The following LUZP1 variants were observed in gnomAD, a reference collection of about 807,000 sequenced individuals.
LUZP1 encodes the protein leucine zipper protein 1.
In LUZP1, 25 loss-of-function variants were observed where a neutral mutation model predicts 71.3. The ratio of observed to expected loss-of-function variants is 0.35; its 90% CI spans 0.26 to 0.49. The LOEUF is 0.49. Among genes scored for constraint, LUZP1 ranks in the 20% least tolerant of loss-of-function variants. The pLI, the probability that LUZP1 is intolerant of heterozygous loss-of-function variation, is 0.99. For synonymous variants in LUZP1, 481 were observed against 506.4 expected (o/e 0.95, Z 0.67); for missense variants, 1,142 against 1,300.8 (o/e 0.88, Z 1.88).
chr1:23,173,715 A>G (rs928061334), intron 1 of LUZP1, among the ~76,000 whole-genome samples: 9 of 152,032 alleles, frequency 5.9e-5, no homozygotes, highest in Admixed American at 1.3e-4. Flanking sequence ...TTTGCTATGG[A>G]GGGGAAAGAG....
At chr1:23,118,476 T>G (rs1644104226) in intron 2 of LUZP1, among the ~76,000 whole-genome samples, 1 of 152,230 alleles carries the variant, frequency 6.6e-6, no homozygotes, top group South Asian at 2.1e-4. Context: ...AATCCTGAGT[T>G]CTACTCTTGT....
chr1:23,166,071 GA>G (rs1644507800), intron 2 of LUZP1, among the ~76,000 whole-genome samples: 1 of 133,982 alleles, frequency 7.5e-6, no homozygotes, highest in Non-Finnish European at 1.6e-5. Flanking sequence ...AAAAAGAAAA[GA>G]AAAACAGCAC....
chr1:23,134,658 C>G (rs12094690), intron 2 of LUZP1, among the ~76,000 whole-genome samples: 26,239 of 152,046 alleles, frequency 0.17, 2,329 homozygotes, highest in East Asian at 0.26. Flanking sequence ...GCGCACGCCT[C>G]TGGTCCCAGC....
At chr1:23,090,969 A>T in intron 4 of LUZP1, 1 of 719,152 alleles carries the variant, frequency 1.4e-6, no homozygotes, top group Non-Finnish European at 2.6e-6. Context: ...CAAAATGAAG[A>T]CAACAAATTG....
chr1:23,101,526 A>T (rs1401451761), intron 3 of LUZP1, among the ~76,000 whole-genome samples: 1 of 152,232 alleles, frequency 6.6e-6, no homozygotes. Flanking sequence ...AAAGAATATC[A>T]ACTACCTTAC....
chr1:23,113,399 CCT>C (rs1472487486), intron 2 of LUZP1, among the ~76,000 whole-genome samples: 3 of 151,800 alleles, frequency 2.0e-5, no homozygotes, highest in African/African-American at 7.3e-5. Flanking sequence ...TGAGTGAAAC[CCT>C]GTCTCAAAAC....
intron 2 of LUZP1, among the ~76,000 whole-genome samples, chr1:23,163,724 A>G (rs951285101): frequency 1.5e-4 from 23 of 152,192 alleles, no homozygotes; most frequent in African/African-American, 4.8e-4. Flanking sequence ...GTTGTGGCTC[A>G]TATTTTAATA....
intron 2 of LUZP1, among the ~76,000 whole-genome samples, chr1:23,113,560 T>C (rs919036894): frequency 2.6e-5 from 4 of 151,510 alleles, no homozygotes; most frequent in African/African-American, 7.3e-5. Flanking sequence ...AACAGAGCTA[T>C]TATAACTAAG....
At chr1:23,143,015 C>A (rs1222455840) in intron 2 of LUZP1, among the ~76,000 whole-genome samples, 2 of 150,120 alleles carry the variant, frequency 1.3e-5, no homozygotes, top group Admixed American at 6.6e-5. Context: ...TTTTTTTTTT[C>A]TTTTTTGTTT....
At chr1:23,098,238 G>C (rs1370567914) in intron 3 of LUZP1, among the ~76,000 whole-genome samples, 1 of 152,200 alleles carries the variant, frequency 6.6e-6, no homozygotes, top group Non-Finnish European at 1.5e-5. Flanking sequence ...ACTCAGTACA[G>C]AAGGAGGTGA....
At chr1:23,139,086 T>C (rs1314830590) in intron 2 of LUZP1, among the ~76,000 whole-genome samples, 1 of 143,832 alleles carries the variant, frequency 7.0e-6, no homozygotes, top group Non-Finnish European at 1.5e-5. Flanking sequence ...AATGTGTGTG[T>C]ATATATATAG....
chr1:23,157,570 C>T (rs1219175532), intron 2 of LUZP1, among the ~76,000 whole-genome samples: 2 of 152,010 alleles, frequency 1.3e-5, no homozygotes, highest in Non-Finnish European at 2.9e-5. Context: ...GCAGGCAGAT[C>T]ACCTGAGGTC....
intron 2 of LUZP1, among the ~76,000 whole-genome samples, chr1:23,157,247 G>A (rs1441809655): frequency 6.6e-6 from 1 of 152,206 alleles, no homozygotes; most frequent in Non-Finnish European, 1.5e-5. Flanking sequence ...TGAGAGGACT[G>A]CTAGGGCCCG....
chr1:23,131,303 C>T (rs1221775138), intron 2 of LUZP1, among the ~76,000 whole-genome samples: 1 of 147,146 alleles, frequency 6.8e-6, no homozygotes, highest in Non-Finnish European at 1.5e-5. Flanking sequence ...ATGGCAGCTA[C>T]TGCCTCCTAA....
At chr1:23,088,751 C>A in exon 5 of LUZP1, 1 of 1,205,334 alleles carries the variant, frequency 8.3e-7, no homozygotes, top group Non-Finnish European at 1.1e-6. Flanking sequence ...CAAAAATTAC[C>A]TGAGCCACAG....
Position 23,093,141 on chromosome 1 carries a change from G to A in LUZP1, c.1121C>T (p.Thr374Ile). 2.5e-6 allele frequency: 4 copies of A among 1,614,092 alleles called. No individual in the cohort carries two copies. In the South Asian group the frequency reaches 4.4e-5, roughly 18 times the overall value. The change falls in exon 4 of 5, where the codon ACT becomes ATT. Residue 374 changes from threonine to isoleucine, a missense_variant. Physicochemically the swap from Thr to Ile is moderately conservative, Grantham distance 89. Coordinates refer to ENST00000302291, the Ensembl canonical transcript of LUZP1. This position sits in a 1 kb window ranked among gnomAD's most constrained non-coding sequence, Gnocchi z 4.2. ...TTCACTTCCGTGGCCTCTAAACTTA[G>A]TCCTCTCATGTCTGCCTTTGCTGGA...
At chr1:23,114,782 G>A (rs1210977656) in intron 2 of LUZP1, among the ~76,000 whole-genome samples, 1 of 152,194 alleles carries the variant, frequency 6.6e-6, no homozygotes, top group Non-Finnish European at 1.5e-5. Context: ...TGGATGGGGA[G>A]TGAGAAACCC....
intron 1 of LUZP1, among the ~76,000 whole-genome samples, chr1:23,174,264 C>G (rs1469261516): frequency 6.6e-6 from 1 of 152,124 alleles, no homozygotes; most frequent in Non-Finnish European, 1.5e-5. Context: ...GATGGATGTT[C>G]CAGCTCAATG....
chr1:23,165,045 A>T (rs1294917013), intron 2 of LUZP1, among the ~76,000 whole-genome samples: 1 of 152,184 alleles, frequency 6.6e-6, no homozygotes, highest in Non-Finnish European at 1.5e-5. Context: ...TCTTTCCCCT[A>T]ATCCAATAAA....
Sources: allele counts gnomAD v4.1 joint callset (sites outside exome capture counted in the v4.1 genomes callset), GRCh38; gene constraint gnomAD v4.1.1; non-coding constraint Gnocchi (gnomAD v3.1); transcripts MANE v1.5; gene names NCBI Gene and HGNC (gene_info 2026-07-23, HGNC 2026-07-21).